The following SP4 variants were observed in gnomAD, a reference collection of about 807,000 sequenced individuals.
The protein encoded by SP4 is transcription factor Sp4.
SP4 carries 19 observed loss-of-function variants against 72.8 expected under a neutral mutation model. That is an observed-to-expected ratio of 0.26 (90% CI 0.18 to 0.38). The LOEUF (loss-of-function observed/expected upper bound fraction) is 0.38. SP4 is among the 10% of genes least tolerant of loss of function. The probability of loss-of-function intolerance (pLI) is 1.00; values close to 1 mark genes in which losing one functional copy is unlikely to be tolerated. For synonymous variants in SP4, 395 were observed against 333.1 expected (o/e 1.19, Z -2.02); for missense variants, 1,008 against 926.3 (o/e 1.09, Z -1.14).
intron 5 of SP4, among the ~76,000 whole-genome samples, chr7:21,487,658 C>G (rs1784856225): frequency 6.6e-6 from 1 of 151,682 alleles, no homozygotes; most frequent in African/African-American, 2.4e-5. Flanking sequence ...TATGTTTCCT[C>G]CAGGATGATT....
chr7:21,487,410 G>GGT (rs550136292), intron 5 of SP4, among the ~76,000 whole-genome samples: 1 of 124,454 alleles, frequency 8.0e-6, no homozygotes, highest in Non-Finnish European at 1.7e-5. Flanking sequence ...AATCTCTAGG[G>GGT]TTTTTTTTTT....
intron 4 of SP4, among the ~76,000 whole-genome samples, chr7:21,479,081 G>A (rs1335072200): frequency 2.8e-5 from 4 of 140,442 alleles, no homozygotes; most frequent in Non-Finnish European, 4.8e-5. Context: ...AAAAAAAAAA[G>A]AAAGAAAAAA....
At chr7:21,444,730 G>C (rs1783368626) in intron 3 of SP4, among the ~76,000 whole-genome samples, 1 of 152,122 alleles carries the variant, frequency 6.6e-6, no homozygotes, top group Non-Finnish European at 1.5e-5. Flanking sequence ...TCAAATTATA[G>C]AACAGGAAAC....
At chr7:21,459,601 C>A (rs1232946987) in intron 3 of SP4, among the ~76,000 whole-genome samples, 1 of 152,182 alleles carries the variant, frequency 6.6e-6, no homozygotes, top group African/African-American at 2.4e-5. Context: ...TCCCAAGAAT[C>A]GTTTGATGAT....
intron 5 of SP4, among the ~76,000 whole-genome samples, chr7:21,502,046 C>CCGA (rs1287794207): frequency 5.4e-5 from 6 of 111,734 alleles, no homozygotes; most frequent in Non-Finnish European, 1.1e-4. Context: ...AGGCACCCCC[C>CCGA]CCCCCCCGGA....
At chr7:21,449,520 T>C (rs959143235) in intron 3 of SP4, among the ~76,000 whole-genome samples, 5 of 152,230 alleles carry the variant, frequency 3.3e-5, no homozygotes, top group Admixed American at 2.0e-4. Context: ...TTCAGAATGG[T>C]ACTGAAATAC....
intron 3 of SP4, among the ~76,000 whole-genome samples, chr7:21,432,574 C>T (rs1426231837): frequency 6.6e-6 from 1 of 152,194 alleles, no homozygotes; most frequent in Non-Finnish European, 1.5e-5. Context: ...TTTTGGCCAA[C>T]CAAACTTAGA....
At position 21,432,684 on chromosome 7, in the gene SP4, T is replaced by C. The variant is rs575466915; in HGVS notation, c.1678+1841T>C. Among the ~76,000 whole-genome samples the C allele has an allele frequency of 3.9e-5, 6 of 152,314 alleles. No homozygotes were observed. The East Asian group carries it at 9.6e-4, about 24-fold the overall frequency. On this transcript the variant is annotated intron_variant, in intron 3 of 5. Transcript: ENST00000222584. ...AGGGATTTGCCTTTCAAACAAACTT[T>C]CCAGGTGATTGTAAAACTCACTGAA... is the stretch of plus-strand genomic sequence containing the variant.
intron 5 of SP4, among the ~76,000 whole-genome samples, chr7:21,493,554 A>G (rs1053223808): frequency 2.0e-5 from 3 of 152,316 alleles, no homozygotes; most frequent in Admixed American, 6.5e-5. Context: ...AATAAAAAGA[A>G]TGCTATGCAT....
intron 3 of SP4, among the ~76,000 whole-genome samples, chr7:21,454,496 T>C (rs1783701936): frequency 6.6e-6 from 1 of 152,174 alleles, no homozygotes; most frequent in Admixed American, 6.5e-5. Flanking sequence ...ATATAAAATA[T>C]CTTTTCTTTT....
intron 3 of SP4, among the ~76,000 whole-genome samples, chr7:21,457,979 CT>C (rs929959489): frequency 3.9e-5 from 6 of 151,978 alleles, no homozygotes; most frequent in African/African-American, 1.2e-4. Context: ...AATTCATGGT[CT>C]TTTGGGGGTT....
rs868633049 is a variant in SP4 at position 21,490,107 on chromosome 7, C to T, written c.2107+7984C>T. 3.2e-4 allele frequency among the ~76,000 whole-genome samples: 48 copies of T among 152,302 alleles called. 1 individual carries two copies. Among genetic ancestry groups the T allele is most frequent in the Middle Eastern group, 3.4e-3 (1 of 294 alleles). ...CTGGACAAGTTTACTTATTTGTTTT[C>T]TTAAGTATCTAAATGAGGACAATGA... On this transcript the variant is annotated intron_variant, in intron 5 of 5. Transcript: ENST00000222584.
At chr7:21,480,164 C>G (rs745399099) in intron 4 of SP4, among the ~76,000 whole-genome samples, 2 of 152,012 alleles carry the variant, frequency 1.3e-5, no homozygotes, top group Admixed American at 6.6e-5. Context: ...TGACAGTGTG[C>G]TTGTATTTTG....
At chr7:21,458,644 ATCC>A (rs1783856211) in intron 3 of SP4, among the ~76,000 whole-genome samples, 1 of 152,132 alleles carries the variant, frequency 6.6e-6, no homozygotes, top group African/African-American at 2.4e-5. Context: ...ATTTTTTTAA[ATCC>A]TCCTTTTCCC....
chr7:21,438,124 T>C (rs780408453), intron 3 of SP4, among the ~76,000 whole-genome samples: 1 of 152,096 alleles, frequency 6.6e-6, no homozygotes, highest in Non-Finnish European at 1.5e-5. Context: ...TTTCATTAAG[T>C]AGTGATCATT....
At position 21,448,471 on chromosome 7, in the gene SP4, T is replaced by G. The variant is rs1177252100; in HGVS notation, c.1678+17628T>G. On this transcript the variant is annotated intron_variant, in intron 3 of 5. Transcript: ENST00000222584. ...ATAATTATATAGATTTAACTTAAAA[T>G]GAAGGTGACATTGTGGTGCTGGTGA... Among the ~76,000 whole-genome samples, 11 of 152,226 alleles carry G rather than the reference T, an allele frequency of 7.2e-5. 1 individual carries two copies. The South Asian group carries it at 1.9e-3, about 26-fold the overall frequency.
At chr7:21,496,450 T>G (rs1191067114) in intron 5 of SP4, among the ~76,000 whole-genome samples, 1 of 152,176 alleles carries the variant, frequency 6.6e-6, no homozygotes, top group African/African-American at 2.4e-5. Context: ...CCAAAGGGAC[T>G]CCTGAAAATT....
intron 3 of SP4, 120 bp downstream of exon 3, chr7:21,430,963 C>A: frequency 1.5e-6 from 1 of 675,436 alleles, no homozygotes; most frequent in Non-Finnish European, 2.5e-6. Context: ...TCATAAGGAA[C>A]CAGAAATAGC....
intron 5 of SP4, among the ~76,000 whole-genome samples, chr7:21,492,261 G>T (rs999821590): frequency 1.3e-5 from 2 of 152,144 alleles, no homozygotes; most frequent in African/African-American, 4.8e-5. Flanking sequence ...GAGAGGGTGG[G>T]TGGAGATACT....
Sources: allele counts gnomAD v4.1 joint callset (sites outside exome capture counted in the v4.1 genomes callset), GRCh38; gene constraint gnomAD v4.1.1; transcripts MANE v1.5; gene names NCBI Gene and HGNC (gene_info 2026-07-23, HGNC 2026-07-21).